UBE2E2: variants seen among roughly 807,000 people sequenced by gnomAD.
UBE2E2 encodes the protein ubiquitin-conjugating enzyme E2 E2.
In UBE2E2, 6 loss-of-function variants were observed where a neutral mutation model predicts 24.7. The observed-to-expected ratio is 0.24, with a 90% CI of 0.13 to 0.48. UBE2E2 has a LOEUF of 0.48. UBE2E2 is among the 20% of genes least tolerant of loss of function. UBE2E2 has a pLI of 0.99. For missense variants in UBE2E2, 169 were observed against 245.0 expected (o/e 0.69, Z 2.07); for synonymous variants, 104 against 83.6 (o/e 1.24, Z -1.33).
chr3:23,536,079 T>G (rs907410106), intron 5 of UBE2E2, among the ~76,000 whole-genome samples: 1 of 152,252 alleles, frequency 6.6e-6, no homozygotes, highest in Middle Eastern at 3.2e-3. Flanking sequence ...AGTCATTATT[T>G]AACACATAAA....
chr3:23,333,914 C>T (rs1695136248), intron 3 of UBE2E2, among the ~76,000 whole-genome samples: 1 of 152,128 alleles, frequency 6.6e-6, no homozygotes, highest in Non-Finnish European at 1.5e-5. Context: ...ATACTAGAAT[C>T]TGATACTCAA....
intron 3 of UBE2E2, among the ~76,000 whole-genome samples, chr3:23,460,402 A>G (rs566146036): frequency 6.6e-6 from 1 of 152,282 alleles, no homozygotes; most frequent in South Asian, 2.1e-4. Flanking sequence ...CTGGCTCTAC[A>G]ACCTCTGTTC....
chr3:23,450,821 G>A (rs146213014), intron 3 of UBE2E2, among the ~76,000 whole-genome samples: 1 of 152,002 alleles, frequency 6.6e-6, no homozygotes, highest in Non-Finnish European at 1.5e-5. Flanking sequence ...CATTAGTATA[G>A]TATGTGCAGT....
intron 4 of UBE2E2, among the ~76,000 whole-genome samples, chr3:23,514,850 C>G (rs58130044): frequency 0.18 from 27,112 of 151,922 alleles, 2,491 homozygotes; most frequent in Middle Eastern, 0.24. Context: ...TAAAAGTATA[C>G]TAATGAAAAA....
At position 23,247,957 on chromosome 3, in the gene UBE2E2, GATA is replaced by G. The variant is rs139108748; in HGVS notation, c.227+30649_227+30651del. ...TTTAGACTTTGCAGTTTAAAAGAAC[GATA>G]ATATTACCATGTAAAAATTCTGATT... On this transcript the variant is annotated intron_variant, in intron 3 of 5. Coordinates refer to ENST00000396703, the MANE Select transcript of UBE2E2 (RefSeq NM_152653.4). Among the ~76,000 whole-genome samples, 1,116 of 152,294 alleles carry G rather than the reference GATA, an allele frequency of 7.3e-3. 12 individuals are homozygous for G. Among genetic ancestry groups the G allele is most frequent in the African/African-American group, 0.026 (1,064 of 41,550 alleles).
At chr3:23,326,285 G>A (rs1186278354) in intron 3 of UBE2E2, among the ~76,000 whole-genome samples, 1 of 152,170 alleles carries the variant, frequency 6.6e-6, no homozygotes. Flanking sequence ...TGGCCAGGCT[G>A]TTCTCGAGCT....
intron 3 of UBE2E2, among the ~76,000 whole-genome samples, chr3:23,453,986 A>C (rs1472165794): frequency 6.6e-6 from 1 of 152,204 alleles, no homozygotes; most frequent in Non-Finnish European, 1.5e-5. Context: ...ATACTCTTTA[A>C]TTTTACAGAA....
At chr3:23,417,932 C>T (rs546394606) in intron 3 of UBE2E2, among the ~76,000 whole-genome samples, 2 of 152,254 alleles carry the variant, frequency 1.3e-5, no homozygotes, top group African/African-American at 4.8e-5. Context: ...CATCCCAGGT[C>T]GACTTCAGAC....
chr3:23,408,744 A>G lies in UBE2E2; in HGVS notation c.228-90864A>G, dbSNP rs974372177. Among the ~76,000 whole-genome samples, 19 of 152,162 alleles carry G rather than the reference A, an allele frequency of 1.2e-4. 1 individual carries two copies. The highest frequency in any genetic ancestry group is 1.1e-3 in the Admixed American group (17 of 15,260). On this transcript the variant is annotated intron_variant, in intron 3 of 5. Transcript: ENST00000396703. ...TAAGTGTCACGATTCACAAAAAACT[A>G]GCAGAGTTTTTCCAGTACTGTAGTT...
intron 3 of UBE2E2, among the ~76,000 whole-genome samples, chr3:23,412,446 TGCTA>T (rs61584049): frequency 0.29 from 43,559 of 151,688 alleles, 6,410 homozygotes; most frequent in East Asian, 0.35. Flanking sequence ...TGATGTTTCC[TGCTA>T]AGCATTTTTG....
intron 4 of UBE2E2, among the ~76,000 whole-genome samples, chr3:23,509,929 AG>A (rs1368200435): frequency 6.6e-6 from 1 of 152,134 alleles, no homozygotes; most frequent in South Asian, 2.1e-4. Context: ...ATGGCCGCAT[AG>A]TATTCCATGG....
At chr3:23,298,490 A>G (rs954184862) in intron 3 of UBE2E2, among the ~76,000 whole-genome samples, 45 of 152,342 alleles carry the variant, frequency 3.0e-4, no homozygotes, top group African/African-American at 1.1e-3. Context: ...GAGAGCTTTT[A>G]GCATGAAGAG....
chr3:23,250,215 C>G (rs902405105), intron 3 of UBE2E2, among the ~76,000 whole-genome samples: 1 of 152,164 alleles, frequency 6.6e-6, no homozygotes, highest in African/African-American at 2.4e-5. Context: ...AGTAGATAAG[C>G]CATGATTCAG....
intron 2 of UBE2E2, among the ~76,000 whole-genome samples, chr3:23,212,441 C>T (rs1307964524): frequency 6.6e-6 from 1 of 152,100 alleles, no homozygotes; most frequent in Non-Finnish European, 1.5e-5. Context: ...TTCAATAAAA[C>T]GTCTATTTTG....
intron 5 of UBE2E2, among the ~76,000 whole-genome samples, chr3:23,571,807 G>A (rs541646221): frequency 2.0e-5 from 3 of 152,266 alleles, no homozygotes; most frequent in South Asian, 2.1e-4. Flanking sequence ...GTACCCTCCC[G>A]AAGTGGCTTT....
At chr3:23,277,425 C>T (rs370374755) in intron 3 of UBE2E2, among the ~76,000 whole-genome samples, 5 of 152,066 alleles carry the variant, frequency 3.3e-5, no homozygotes, top group East Asian at 1.9e-4. Context: ...CAAGGGTCAA[C>T]GTTTGTATCT....
At chr3:23,203,305 C>CGGGTGCG (rs1696013757), upstream of UBE2E2, 1 of 987,230 alleles carries the variant, frequency 1.0e-6, no homozygotes, top group African/African-American at 1.7e-5. Flanking sequence ...CAGGCGTGGT[C>CGGGTGCG]GGGTGCGTGG....
intron 5 of UBE2E2, among the ~76,000 whole-genome samples, chr3:23,558,012 G>A (rs11926217): frequency 0.25 from 38,173 of 152,034 alleles, 5,171 homozygotes; most frequent in East Asian, 0.36. Flanking sequence ...GTCTTACTGC[G>A]TTTCTCATTG....
At chr3:23,228,492 C>T (rs1231928684) in intron 3 of UBE2E2, among the ~76,000 whole-genome samples, 1 of 152,086 alleles carries the variant, frequency 6.6e-6, no homozygotes, top group Non-Finnish European at 1.5e-5. Context: ...TTTAAGATAT[C>T]CTGAAACTGT....
Sources: gnomAD v4.1 joint callset for allele counts (sites outside exome capture counted in the v4.1 genomes callset) on GRCh38, gnomAD v4.1.1 for gene constraint, MANE v1.5 for transcripts, NCBI Gene and HGNC (gene_info 2026-07-23, HGNC 2026-07-21) for gene names.